PCYT1B: variants seen among roughly 807,000 people sequenced by gnomAD.
PCYT1B encodes the protein choline-phosphate cytidylyltransferase B.
A neutral mutation model predicts 26.4 loss-of-function variants in PCYT1B; 10 were observed. That is an observed-to-expected ratio of 0.38 (90% confidence interval 0.23 to 0.64). The LOEUF is 0.64. Among genes scored for constraint, PCYT1B ranks in the 30% least tolerant of loss-of-function variants. The pLI is 0.56. For missense variants in PCYT1B, 161 were observed against 292.7 expected, an observed-to-expected ratio of 0.55 and a Z score of 3.28; for synonymous variants, 131 against 108.4, an observed-to-expected ratio of 1.21 and a Z score of -1.29.
upstream of PCYT1B, among the ~76,000 whole-genome samples, chrX:24,651,492 T>A (rs1453055106): frequency 2.3e-4 from 18 of 78,711 alleles, 1 homozygote; most frequent in South Asian, 7.2e-4. Context: ...TATATATATA[T>A]ATATATATAT....
chrX:24,663,818 C>T (rs2148281359), intron 1 of PCYT1B, among the ~76,000 whole-genome samples: 1 of 111,294 alleles, frequency 9.0e-6, no homozygotes, highest in African/African-American at 3.3e-5. Context: ...ACTCAGGAGG[C>T]TGAGACAGGA....
Position 24,639,228 on chromosome X carries a change from C to T in PCYT1B, c.117+7761G>A, listed in dbSNP as rs142548749. On this transcript the variant is annotated intron_variant, in intron 1 of 7. Coordinates refer to ENST00000379144, the MANE Select transcript of PCYT1B (RefSeq NM_004845.5). ...TCCAAGGCAATGAAAGCTAGAATCA[C>T]ACTCTAAGGATCTATCCAATCCATT... Among the ~76,000 whole-genome samples the T allele has an allele frequency of 1.8e-3, 202 of 112,606 alleles. No individual in the cohort carries two copies. The East Asian group carries it at 0.043, about 24-fold the overall frequency.
At chrX:24,608,361 G>C (rs772959863) in intron 2 of PCYT1B, among the ~76,000 whole-genome samples, 6 of 111,811 alleles carry the variant, frequency 5.4e-5, no homozygotes, top group Admixed American at 9.6e-5. Flanking sequence ...CCTGAAGTCA[G>C]CCACGATAGA....
chrX:24,598,626 A>C (rs749832965), intron 3 of PCYT1B, among the ~76,000 whole-genome samples: 1 of 111,741 alleles, frequency 8.9e-6, no homozygotes, highest in Non-Finnish European at 1.9e-5. Flanking sequence ...GCATTACTAC[A>C]AATTAAGTGC....
chrX:24,582,102 G>T (rs953713121), intron 5 of PCYT1B, among the ~76,000 whole-genome samples: 1 of 112,428 alleles, frequency 8.9e-6, no homozygotes, highest in Non-Finnish European at 1.9e-5. Context: ...TGTGCAGGAG[G>T]CTCTGGTGGG....
intron 1 of PCYT1B, among the ~76,000 whole-genome samples, chrX:24,639,040 T>C (rs146706960): frequency 8.9e-6 from 1 of 112,784 alleles, no homozygotes; most frequent in African/African-American, 3.2e-5. Context: ...TCAAAGTGCT[T>C]GTGAACATTT....
intron 1 of PCYT1B, among the ~76,000 whole-genome samples, chrX:24,659,772 T>C (rs1414620641): frequency 9.0e-6 from 1 of 111,045 alleles, no homozygotes; most frequent in African/African-American, 3.3e-5. Context: ...TGAACTTGCT[T>C]TTATAACAAA....
intron 2 of PCYT1B, among the ~76,000 whole-genome samples, chrX:24,612,347 A>T (rs778594231): frequency 1.8e-5 from 2 of 112,953 alleles, no homozygotes; most frequent in Admixed American, 1.9e-4. Flanking sequence ...TTTTACAAAA[A>T]TGAAAAGGTG....
intron 7 of PCYT1B, among the ~76,000 whole-genome samples, chrX:24,565,161 C>T (rs770596357): frequency 3.0e-4 from 33 of 110,487 alleles, no homozygotes; most frequent in Admixed American, 6.7e-4. Context: ...GCCTCCCAGA[C>T]GCTGCATCCC....
intron 1 of PCYT1B, among the ~76,000 whole-genome samples, chrX:24,635,667 A>G (rs1183238684): frequency 1.8e-5 from 2 of 111,812 alleles, no homozygotes; most frequent in Non-Finnish European, 3.8e-5. Flanking sequence ...CTATTTGAGA[A>G]GTACTCTCTG....
At chrX:24,670,088 GAA>G (rs1927214536) in intron 1 of PCYT1B, among the ~76,000 whole-genome samples, 1 of 89,196 alleles carries the variant, frequency 1.1e-5, no homozygotes, top group African/African-American at 4.1e-5. Context: ...AAGAAAGAAA[GAA>G]AGAAAGAAAG....
intron 1 of PCYT1B, among the ~76,000 whole-genome samples, chrX:24,665,353 T>C (rs1432386840): frequency 1.8e-5 from 2 of 110,373 alleles, no homozygotes; most frequent in African/African-American, 6.6e-5. Context: ...TGCAGTGGTG[T>C]GATCTCGGCT....
At chrX:24,579,072 G>A (rs377135388) in intron 6 of PCYT1B, among the ~76,000 whole-genome samples, 60 of 108,366 alleles carry the variant, frequency 5.5e-4, no homozygotes, top group African/African-American at 1.8e-3. Flanking sequence ...AGGATCGCTT[G>A]AGCCCAGGAG....
intron 7 of PCYT1B, among the ~76,000 whole-genome samples, chrX:24,568,088 C>T (rs1245758855): frequency 8.9e-6 from 1 of 112,138 alleles, no homozygotes; most frequent in Non-Finnish European, 1.9e-5. Context: ...GATAAAGTTC[C>T]TGGTACGATC....
intron 5 of PCYT1B, among the ~76,000 whole-genome samples, chrX:24,580,712 AAC>A (rs1924180792): frequency 8.9e-6 from 1 of 111,889 alleles, no homozygotes; most frequent in Admixed American, 9.4e-5. Flanking sequence ...TTCTGTTGTG[AAC>A]TGAAATGACA....
chrX:24,629,304 G>A (rs1925973638), intron 1 of PCYT1B, among the ~76,000 whole-genome samples: 2 of 109,965 alleles, frequency 1.8e-5, no homozygotes, highest in Non-Finnish European at 3.8e-5. Flanking sequence ...AGTAGCTCAC[G>A]CTTGTAATCC....
At chrX:24,640,903 GT>G (rs1926445242) in intron 1 of PCYT1B, among the ~76,000 whole-genome samples, 1 of 111,469 alleles carries the variant, frequency 9.0e-6, no homozygotes, top group Non-Finnish European at 1.9e-5. Flanking sequence ...GCACTCACTA[GT>G]TGGAGCCAGA....
At position 24,661,040 on chromosome X, in the gene PCYT1B, T is replaced by C. The variant is rs1602214221; in HGVS notation, c.63+11530A>G. On this transcript the variant is annotated intron_variant, in intron 1 of 7. Coordinates refer to the PCYT1B transcript ENST00000379145. ...ACAATACTCATATGAATATATAAGT[T>C]ATATTATCCTTTTTAAAAAAAGATA... is the stretch of plus-strand genomic sequence containing the variant. Among the ~76,000 whole-genome samples the C allele has an allele frequency of 2.7e-5, 3 of 111,806 alleles. 1 individual carries two copies. The Admixed American group carries it at 2.9e-4, about 11-fold the overall frequency.
chrX:24,597,557 A>G (rs1924827694), intron 3 of PCYT1B, among the ~76,000 whole-genome samples: 1 of 112,279 alleles, frequency 8.9e-6, no homozygotes, highest in Non-Finnish European at 1.9e-5. Context: ...TGCTTACTCC[A>G]CTTTACAAAA....
Sources: gnomAD v4.1 joint callset for allele counts (sites outside exome capture counted in the v4.1 genomes callset) on GRCh38, gnomAD v4.1.1 for gene constraint, MANE v1.5 for transcripts, NCBI Gene and HGNC (gene_info 2026-07-23, HGNC 2026-07-21) for gene names.